Variants in CENPC observed in about 807,000 individuals in gnomAD.
CENPC encodes the protein centromere protein C.
Under a neutral mutation model 112.1 loss-of-function variants are expected in CENPC, and 63 were observed. That is an observed-to-expected ratio of 0.56 (90% CI 0.46 to 0.69). The LOEUF is 0.69. Among genes scored for constraint, CENPC ranks in the 30% least tolerant of loss-of-function variants. CENPC has a pLI of 0.00. For missense variants in CENPC, 1,000 were observed against 1,103.8 expected, an observed-to-expected ratio of 0.91 and a Z score of 1.33; for synonymous variants, 333 against 367.6, an observed-to-expected ratio of 0.91 and a Z score of 1.08.
intron 12 of CENPC, 149 bp from the exon 13 acceptor site, chr4:67,495,361 C>T (rs1356145105): frequency 4.1e-6 from 3 of 739,146 alleles, no homozygotes; most frequent in Non-Finnish European, 6.2e-6. Context: ...TTTCATTGCT[C>T]AACTATAAAA....
At chr4:67,493,393 T>TC (rs1403617408) in intron 14 of CENPC, 1 of 168,688 alleles carries the variant, frequency 5.9e-6, no homozygotes, top group Non-Finnish European at 1.3e-5. Context: ...ACACCTGTAA[T>TC]CTCAGCACTT....
chr4:67,497,157 A>ATCAGGAGG (rs1464844806), intron 12 of CENPC, among the ~76,000 whole-genome samples: 1 of 152,044 alleles, frequency 6.6e-6, no homozygotes, highest in Non-Finnish European at 1.5e-5. Flanking sequence ...AGGCAGGTAG[A>ATCAGGAGG]TCAGGAGGTC....
chr4:67,536,621 T>C (rs966154065), intron 4 of CENPC, among the ~76,000 whole-genome samples: 1 of 152,004 alleles, frequency 6.6e-6, no homozygotes, highest in African/African-American at 2.4e-5. Context: ...TCATTCCTTA[T>C]GTGGAAGGCC....
Position 67,530,969 on chromosome 4 carries a change from T to C in CENPC, c.232-55A>G. 3 of 851,624 alleles carry C rather than the reference T, an allele frequency of 3.5e-6. No homozygotes were observed. In the South Asian group the frequency reaches 5.7e-5, roughly 16 times the overall value. The allele number at this position is 851,624 out of a possible 1,614,324, so 52.8% of individuals were successfully genotyped here. A position where few individuals can be genotyped will look rare whatever the true frequency, so the allele number is the denominator to read the frequency against. Reference sequence around the variant, plus strand: ...CTATTTTATTAACTTACCAATTCAATGAAATATATTTGTTTTTTAAATGGG... The same window carrying C: ...CTATTTTATTAACTTACCAATTCAACGAAATATATTTGTTTTTTAAATGGG... On this transcript the variant is annotated intron_variant, in intron 4 of 18. Coordinates refer to ENST00000273853, the MANE Select transcript of CENPC (RefSeq NM_001812.4).
intron 12 of CENPC, among the ~76,000 whole-genome samples, chr4:67,499,157 C>A (rs914169590): frequency 6.6e-6 from 1 of 152,172 alleles, no homozygotes; most frequent in African/African-American, 2.4e-5. Flanking sequence ...TAGCATAATT[C>A]TTAAGGACTC....
intron 15 of CENPC, chr4:67,492,602 C>T: frequency 2.1e-6 from 1 of 482,450 alleles, no homozygotes; most frequent in Non-Finnish European, 3.4e-6. Context: ...TCTATGTTAA[C>T]CATAGCTTGG....
chr4:67,535,666 A>AAC (rs1726697901), intron 4 of CENPC, among the ~76,000 whole-genome samples: 1 of 152,186 alleles, frequency 6.6e-6, no homozygotes. Flanking sequence ...TGACTACTGA[A>AAC]ACAGTCATAA....
chr4:67,518,124 A>T (rs1184845158), intron 7 of CENPC, 32 bp downstream of exon 7: 2 of 1,205,354 alleles, frequency 1.7e-6, no homozygotes, highest in Non-Finnish European at 2.3e-6. Context: ...TAAAAGAAAA[A>T]TGTCTCAAAG....
Position 67,470,499 on chromosome 4 carries a change from G to C in CENPC, c.*2106C>G, listed in dbSNP as rs893335039. On this transcript the variant is annotated 3_prime_UTR_variant, in exon 19 of 19. Coordinates refer to ENST00000273853, the MANE Select transcript of CENPC (RefSeq NM_001812.4). ...ACGCAGGAGAATTGCTTGAACCCGG[G>C]AGGTGGAGGTTGCAGTGAGCCGAGA... 3.5e-5 allele frequency: 5 copies of C among 144,262 alleles called. No homozygotes were observed. Among genetic ancestry groups the C allele is most frequent in the African/African-American group, 1.3e-4 (5 of 38,690 alleles). 8.9% of individuals were successfully genotyped at this position (144,262 alleles called of 1,614,324 possible).
intron 12 of CENPC, among the ~76,000 whole-genome samples, chr4:67,501,417 T>C (rs1200923086): frequency 6.6e-6 from 1 of 152,230 alleles, no homozygotes; most frequent in Non-Finnish European, 1.5e-5. Context: ...TATAGCATCA[T>C]TTCTGTAGTA....
chr4:67,497,126 T>A (rs1008234731), intron 12 of CENPC, among the ~76,000 whole-genome samples: 1 of 152,084 alleles, frequency 6.6e-6, no homozygotes, highest in African/African-American at 2.4e-5. Flanking sequence ...ACAACTGTAA[T>A]CCCAGCACTT....
At chr4:67,519,737 C>T (rs149480909) in intron 5 of CENPC, among the ~76,000 whole-genome samples, 2 of 152,012 alleles carry the variant, frequency 1.3e-5, no homozygotes, top group Non-Finnish European at 1.5e-5. Context: ...CACATACACA[C>T]ATGGAATATA....
At chr4:67,500,930 T>C (rs984238090) in intron 12 of CENPC, among the ~76,000 whole-genome samples, 1 of 152,146 alleles carries the variant, frequency 6.6e-6, no homozygotes. Flanking sequence ...CACTCCACAA[T>C]AATATTTATC....
chr4:67,542,905 CAG>C (rs1202104980), intron 2 of CENPC, among the ~76,000 whole-genome samples: 1 of 152,134 alleles, frequency 6.6e-6, no homozygotes, highest in Admixed American at 6.5e-5. Flanking sequence ...GGTGATAATG[CAG>C]AGTCACTATT....
chr4:67,519,548 A>G, intron 5 of CENPC, 46 bp from the exon 6 acceptor site: 1 of 1,240,242 alleles, frequency 8.1e-7, no homozygotes, highest in Non-Finnish European at 1.1e-6. Flanking sequence ...AAAGAATAAT[A>G]AGAGAATCAA....
At chr4:67,502,925 C>G (rs62301093) in intron 12 of CENPC, among the ~76,000 whole-genome samples, 35,942 of 152,074 alleles carry the variant, frequency 0.24, 4,589 homozygotes, top group Non-Finnish European at 0.29. Flanking sequence ...CTACTGCTAC[C>G]ACATTGGTCT....
intron 10 of CENPC, among the ~76,000 whole-genome samples, chr4:67,508,171 C>A (rs888189193): frequency 1.8e-4 from 28 of 152,236 alleles, no homozygotes; most frequent in African/African-American, 6.5e-4. Context: ...ATTAATCTCA[C>A]TTAAAAGGAA....
intron 12 of CENPC, among the ~76,000 whole-genome samples, chr4:67,495,532 A>C (rs888550601): frequency 4.6e-5 from 7 of 152,172 alleles, no homozygotes; most frequent in African/African-American, 1.4e-4. Flanking sequence ...CAAGTGGAAA[A>C]GAGGGATGAG....
In CENPC at chr4:67,473,044, G is replaced by A. The variant is rs1440844794; in HGVS notation, c.2762-369C>T. Among the ~76,000 whole-genome samples, 3 of 151,994 alleles carry A rather than the reference G, an allele frequency of 2.0e-5. No homozygotes were observed. The East Asian group carries it at 5.8e-4, about 29-fold the overall frequency. On this transcript the variant is annotated intron_variant, in intron 18 of 18. Coordinates refer to ENST00000273853, the MANE Select transcript of CENPC (RefSeq NM_001812.4). ...TATAGATGAATATAAAAGGTACAAT[G>A]TTAAGTAGAATAAAATCTCAAAATT...
Sources: allele counts gnomAD v4.1 joint callset (sites outside exome capture counted in the v4.1 genomes callset), GRCh38; gene constraint gnomAD v4.1.1; transcripts MANE v1.5; gene names NCBI Gene and HGNC (gene_info 2026-07-23, HGNC 2026-07-21).